The following PAX8 variants were observed in gnomAD, a reference collection of about 807,000 sequenced individuals.
The protein encoded by PAX8 is paired box 8.
Under a neutral mutation model 52.4 loss-of-function variants are expected in PAX8, and 15 were observed. The observed-to-expected ratio is 0.29, with a 90% CI of 0.19 to 0.44. The LOEUF (loss-of-function observed/expected upper bound fraction) is 0.44, where lower values mean the gene tolerates loss of function less well. Ranked by LOEUF, PAX8 falls within the 20% of genes least tolerant of loss-of-function variation. PAX8 has a pLI of 1.00. For synonymous variants in PAX8, 284 were observed against 249.7 expected, an observed-to-expected ratio of 1.14 and a Z score of -1.29; for missense variants, 554 against 602.5, an observed-to-expected ratio of 0.92 and a Z score of 0.84.
intron 2 of PAX8, among the ~76,000 whole-genome samples, chr2:113,258,451 T>C (rs1264969960): frequency 6.6e-6 from 1 of 152,162 alleles, no homozygotes; most frequent in Non-Finnish European, 1.5e-5. Context: ...CTGTCAAAGA[T>C]GGCAGACTCC....
chr2:113,235,492 A>G lies in PAX8; in HGVS notation c.989T>C (p.Leu330Ser), dbSNP rs752696674. The G allele has an allele frequency of 8.1e-6, 13 of 1,613,552 alleles. No individual in the cohort carries two copies. Among genetic ancestry groups the G allele is most frequent in the East Asian group, 2.2e-5 (1 of 44,888 alleles). ...CCCGGAGCCGACTTGCTGCAGATCCAAAAAGGCGGAGCTAGATAAAGAGGA... is the reference window on the plus strand; with the variant it reads ...CCCGGAGCCGACTTGCTGCAGATCCGAAAAGGCGGAGCTAGATAAAGAGGA... ...TPSSLSSSAF[L>S]DLQQVGSGVP... The change falls in exon 9 of 12, where the codon TTG becomes TCG. Residue 330 changes from leucine (L) to serine (S), a missense_variant. Around this residue, in one of 2 missense-constraint regions of PAX8, gnomAD observed 445 missense variants for 409.9 expected, o/e 1.09. Coordinates refer to ENST00000429538, the MANE Select transcript of PAX8 (RefSeq NM_003466.4).
intron 2 of PAX8, among the ~76,000 whole-genome samples, chr2:113,258,406 C>T (rs1558742006): frequency 6.6e-6 from 1 of 152,134 alleles, no homozygotes; most frequent in Non-Finnish European, 1.5e-5. Flanking sequence ...TTGCTGCCTC[C>T]CCAGTTCTTA....
At chr2:113,257,065 G>A (rs76963581) in intron 2 of PAX8, among the ~76,000 whole-genome samples, 1,523 of 152,260 alleles carry the variant, frequency 0.01, 27 homozygotes, top group African/African-American at 0.034. Flanking sequence ...GGTTTTATGG[G>A]AAGATTCTTT....
chr2:113,254,889 C>G (rs952793237), intron 2 of PAX8, among the ~76,000 whole-genome samples: 1 of 152,148 alleles, frequency 6.6e-6, no homozygotes, highest in Non-Finnish European at 1.5e-5. Context: ...TCAGGAAGCT[C>G]CCTCCTACAG....
At chr2:113,230,464 A>C (rs931724395) in intron 9 of PAX8, 4 of 152,222 alleles carry the variant, frequency 2.6e-5, no homozygotes. Flanking sequence ...AATGGAATTC[A>C]TCAGTCTCAC....
chr2:113,251,611 T>A (rs1691770749), intron 2 of PAX8, among the ~76,000 whole-genome samples: 1 of 152,058 alleles, frequency 6.6e-6, no homozygotes, highest in Admixed American at 6.5e-5. Flanking sequence ...TCAGCAAAGG[T>A]CTAGGTGAAG....
chr2:113,265,048 G>T (rs75832520), intron 2 of PAX8, among the ~76,000 whole-genome samples: 1 of 152,228 alleles, frequency 6.6e-6, no homozygotes, highest in Non-Finnish European at 1.5e-5. Flanking sequence ...GGAAGTGCAA[G>T]GAGAAATCTG....
chr2:113,242,723 C>A lies in PAX8; in HGVS notation c.445G>T (p.Ala149Ser), dbSNP rs750018101. The change falls in exon 5 of 12, where the codon GCC becomes TCC. Residue 149 changes from alanine (A) to serine (S), a missense_variant. By Grantham distance (99) the Ala-to-Ser change is moderately conservative (BLOSUM62 1). This residue lies in a region of PAX8 where 445 missense variants were observed against 409.9 expected (regional missense o/e 1.09). Transcript: ENST00000429538. ...PFNLPMDSCV[A>S]TKSLSPGHTL... ...TGTCCGGGACTCAGGGACTTGGTGG[C>A]CACGCAGCTGTCCATAGGGAGGTTG... 1.9e-6 allele frequency: 3 copies of A among 1,613,714 alleles called. No individual in the cohort carries two copies. In the African/African-American group the frequency reaches 4.0e-5, roughly 22 times the overall value.
At chr2:113,262,130 G>A (rs1286088432) in intron 2 of PAX8, among the ~76,000 whole-genome samples, 2 of 152,076 alleles carry the variant, frequency 1.3e-5, no homozygotes, top group Middle Eastern at 3.2e-3. Flanking sequence ...GTGCCCGGCC[G>A]ATTTTAGGTT....
chr2:113,217,263 G>C lies in PAX8; in HGVS notation c.*1270C>G, dbSNP rs1479881877. 4.4e-6 allele frequency: 1 copy of C among 228,650 alleles called. No homozygotes were observed. The highest frequency in any genetic ancestry group is 8.7e-6 in the Non-Finnish European group (1 of 115,026). 14.2% of individuals were successfully genotyped at this position (228,650 alleles called of 1,614,324 possible). A position where few individuals can be genotyped will look rare whatever the true frequency, so the allele number is the denominator to read the frequency against. On this transcript the variant is annotated 3_prime_UTR_variant, in exon 12 of 12. Coordinates refer to ENST00000429538, the MANE Select transcript of PAX8 (RefSeq NM_003466.4). ...CATCAGATGGTCCCTTCCAGCCCACGGCCCCAAAGTGAGTTTGTCGGCTAC... is the reference window on the plus strand; with the variant it reads ...CATCAGATGGTCCCTTCCAGCCCACCGCCCCAAAGTGAGTTTGTCGGCTAC...
intron 10 of PAX8, chr2:113,226,159 G>A: frequency 1.0e-6 from 1 of 985,384 alleles, no homozygotes; most frequent in Non-Finnish European, 1.2e-6. Context: ...TCTGCATAGG[G>A]TGCCCAGAGT....
chr2:113,250,452 A>G (rs964845196), intron 2 of PAX8, among the ~76,000 whole-genome samples: 5 of 152,218 alleles, frequency 3.3e-5, no homozygotes, highest in African/African-American at 1.2e-4. Context: ...TGTGCATCAG[A>G]ATCACTTGGC....
intron 2 of PAX8, among the ~76,000 whole-genome samples, chr2:113,264,243 T>A (rs747994537): frequency 2.3e-4 from 35 of 152,196 alleles, no homozygotes; most frequent in Non-Finnish European, 4.6e-4. Flanking sequence ...AACCTGGCTA[T>A]CTGGCCTTCA....
At chr2:113,221,851 A>T (rs1689287589) in intron 10 of PAX8, among the ~76,000 whole-genome samples, 1 of 152,186 alleles carries the variant, frequency 6.6e-6, no homozygotes, top group Non-Finnish European at 1.5e-5. Context: ...CTAGGAAGTC[A>T]ATGACGGACT....
intron 2 of PAX8, among the ~76,000 whole-genome samples, chr2:113,257,912 G>A (rs1212442558): frequency 1.3e-5 from 2 of 152,182 alleles, no homozygotes; most frequent in East Asian, 1.9e-4. Context: ...ATGAGAAGAT[G>A]AGGAACAGAT....
intron 10 of PAX8, chr2:113,220,545 A>C: frequency 4.9e-6 from 1 of 205,284 alleles, no homozygotes; most frequent in South Asian, 8.5e-5. Flanking sequence ...GAGCTGGGAA[A>C]CTGTGCTGTG....
At chr2:113,234,524 GT>G (rs989283552) in intron 9 of PAX8, among the ~76,000 whole-genome samples, 1 of 152,104 alleles carries the variant, frequency 6.6e-6, no homozygotes, top group African/African-American at 2.4e-5. Flanking sequence ...TTATTTATTT[GT>G]TTTTTTCTTT....
chr2:113,260,233 C>T (rs1433174850), intron 2 of PAX8, among the ~76,000 whole-genome samples: 1 of 152,138 alleles, frequency 6.6e-6, no homozygotes, highest in Non-Finnish European at 1.5e-5. Context: ...AGATTTTCAA[C>T]ACATTTACAT....
Position 113,278,486 on chromosome 2 carries a change from G to C in PAX8, c.-75-17C>G. Reference sequence around the variant, plus strand: ...GCCGCTGCCCTGCACAAACCCAGGAGAAGGGCATGAGATGCGATGAGATTC... The same window carrying C: ...GCCGCTGCCCTGCACAAACCCAGGACAAGGGCATGAGATGCGATGAGATTC... On this transcript the variant is annotated splice_polypyrimidine_tract_variant and intron_variant, in intron 1 of 11. Coordinates refer to ENST00000429538, the MANE Select transcript of PAX8 (RefSeq NM_003466.4). 2.5e-6 allele frequency: 4 copies of C among 1,583,394 alleles called. No individual in the cohort carries two copies. Among genetic ancestry groups the C allele is most frequent in the Non-Finnish European group, 3.4e-6 (4 of 1,163,846 alleles).
Sources: allele counts gnomAD v4.1 joint callset (sites outside exome capture counted in the v4.1 genomes callset), GRCh38; gene constraint gnomAD v4.1.1; regional missense constraint gnomAD v4.1.1; transcripts MANE v1.5; gene names NCBI Gene and HGNC (gene_info 2026-07-23, HGNC 2026-07-21).